The following ANXA9 variants were observed in gnomAD, a reference collection of about 807,000 sequenced individuals.
ANXA9 encodes the protein annexin 31.
A neutral mutation model predicts 51.8 loss-of-function variants in ANXA9; 47 were observed. The ratio of observed to expected loss-of-function variants is 0.91; its 90% CI spans 0.72 to 1.16. ANXA9 has a LOEUF of 1.16. Among genes scored for constraint, ANXA9 ranks in the 50% most tolerant of loss-of-function variants. The probability of loss-of-function intolerance (pLI) is 0.00; values close to 1 mark genes in which losing one functional copy is unlikely to be tolerated. For synonymous variants in ANXA9, 154 were observed against 168.7 expected (o/e 0.91, Z 0.68); for missense variants, 361 against 424.7 (o/e 0.85, Z 1.32).
rs745346533 is a variant in ANXA9 at position 150,984,613 on chromosome 1, A to G, written c.409A>G (p.Ile137Val). The change falls in exon 7 of 14, where the codon ATT (isoleucine) becomes GTT (valine). Residue 137 changes from isoleucine (I) to valine (V), a missense_variant. Coordinates refer to ENST00000368947, the MANE Select transcript of ANXA9 (RefSeq NM_003568.3). ...KASDSAVDVA[I>V]EILATRTPPQ... is the part of the protein sequence containing the mutation. ...CTCAGATTCTGCTGTGGACGTGGCC[A>G]TTGAAATTCTTGCCACTCGAACCCC... 3.9e-5 allele frequency: 63 copies of G among 1,613,976 alleles called. No homozygotes were observed. The highest frequency in any genetic ancestry group is 5.2e-5 in the Non-Finnish European group (61 of 1,180,008).
rs372364985 is a variant in ANXA9 at position 150,986,332 on chromosome 1, C to G, written c.473-4C>G. 1.2e-6 allele frequency: 2 copies of G among 1,613,932 alleles called. No individual in the cohort carries two copies. Among genetic ancestry groups the G allele is most frequent in the East Asian group, 2.2e-5 (1 of 44,890 alleles). On this transcript the variant is annotated splice_region_variant and splice_polypyrimidine_tract_variant and intron_variant, in intron 7 of 13. Coordinates refer to ENST00000368947, the MANE Select transcript of ANXA9 (RefSeq NM_003568.3). The stretch of plus-strand genomic sequence containing the variant: ...GATTCAGAGAGCTCCTCACCCCACC[C>G]CAGATTTCCAGGTGGAGGCTGTGGA...
Position 150,983,410 on chromosome 1 carries a change from C to A in ANXA9, c.148C>A (p.Leu50Ile). The A allele has an allele frequency of 5.0e-6, 8 of 1,613,086 alleles. No homozygotes were observed. Among genetic ancestry groups the A allele is most frequent in the Non-Finnish European group, 5.9e-6 (7 of 1,179,566 alleles). Residue 50 changes from leucine to isoleucine, a missense_variant, in exon 4 of 14, where the codon CTA becomes ATA. Physicochemically the swap from Leu to Ile is conservative, Grantham distance 5. Transcript: ENST00000368947. ...NFSVDKDAQR[L>I]LRAITGQGVD... ...CAGCGTGGACAAGGATGCGCAGAGG[C>A]TACTGAGGGCCATTACTGGCCAAGG...
chr1:150,980,769 C>T (rs951011927), upstream of ANXA9, among the ~76,000 whole-genome samples: 4 of 151,686 alleles, frequency 2.6e-5, no homozygotes, highest in African/African-American at 7.3e-5. Context: ...TTAGTAGAGA[C>T]GGGGTTTCAC....
At chr1:150,978,756 G>A (rs1468467061), upstream of ANXA9, among the ~76,000 whole-genome samples, 2 of 151,962 alleles carry the variant, frequency 1.3e-5, no homozygotes, top group Non-Finnish European at 2.9e-5. Flanking sequence ...ACAAGGTCAG[G>A]AGTTCAAGAC....
chr1:150,993,532 A>T (rs960020532), intron 12 of ANXA9, among the ~76,000 whole-genome samples: 3 of 150,318 alleles, frequency 2.0e-5, no homozygotes, highest in African/African-American at 7.4e-5. Context: ...CTGGTCTCGA[A>T]CTCCTGACCA....
At chr1:150,986,858 C>T (rs1671573115) in intron 9 of ANXA9, among the ~76,000 whole-genome samples, 197 bp downstream of exon 9, 1 of 152,102 alleles carries the variant, frequency 6.6e-6, no homozygotes, top group African/African-American at 2.4e-5. Flanking sequence ...ACTCATCTAG[C>T]CTCTGACTCC....
chr1:150,983,539 G>T, intron 4 of ANXA9, 105 bp downstream of exon 4: 1 of 1,140,786 alleles, frequency 8.8e-7, no homozygotes, highest in Non-Finnish European at 1.3e-6. Context: ...AATGTTTGTG[G>T]AATGCCTTCA....
At chr1:150,992,953 A>T (rs1221630221) in intron 12 of ANXA9, among the ~76,000 whole-genome samples, 3 of 152,242 alleles carry the variant, frequency 2.0e-5, no homozygotes, top group Non-Finnish European at 4.4e-5. Flanking sequence ...AATGATGCAT[A>T]AAAGTTAAAA....
In ANXA9 at chr1:150,986,039, C is replaced by T. The variant is rs139046123; in HGVS notation, c.473-297C>T. ...GTCCTAACCATCTTGTGTTATAATACGGGTTTCCCTAGCTCTTCTTCACTG... is the reference window on the plus strand; with the variant it reads ...GTCCTAACCATCTTGTGTTATAATATGGGTTTCCCTAGCTCTTCTTCACTG... On this transcript the variant is annotated intron_variant, in intron 7 of 13. Coordinates refer to ENST00000368947, the MANE Select transcript of ANXA9 (RefSeq NM_003568.3). Among the ~76,000 whole-genome samples, 37 of 152,194 alleles carry T rather than the reference C, an allele frequency of 2.4e-4. No individual in the cohort carries two copies. The East Asian group carries it at 6.0e-3, about 25-fold the overall frequency.
At position 150,984,000 on chromosome 1, in the gene ANXA9, C is replaced by T. The variant is rs763589794; in HGVS notation, c.198C>T (p.Asp66=). 44 of 1,612,684 alleles carry T rather than the reference C, an allele frequency of 2.7e-5. 1 individual carries two copies. Among genetic ancestry groups the T allele is most frequent in the South Asian group, 2.6e-4 (24 of 90,886 alleles). Residue 66 remains aspartate (D), a synonymous_variant, in exon 5 of 14, where the codon GAC becomes GAT. Transcript: ENST00000368947. ...GCGTGGACCGCAGTGCCATTGTGGA[C>T]GTGCTGACCAACCGGAGCAGAGAGC... ...GQGVDRSAIV[D]VLTNRSREQR...
intron 7 of ANXA9, 77 bp downstream of exon 7, chr1:150,984,753 A>G (rs1369369241): frequency 3.1e-6 from 4 of 1,283,636 alleles, no homozygotes; most frequent in African/African-American, 3.0e-5. Flanking sequence ...TGTACTCCCC[A>G]TAGGTGAGCT....
chr1:150,983,234 G>T, intron 3 of ANXA9, 54 bp downstream of exon 3: 1 of 1,603,720 alleles, frequency 6.2e-7, no homozygotes, highest in Non-Finnish European at 8.5e-7. Flanking sequence ...CTCGGGCTGT[G>T]AGAGGATGGG....
chr1:150,992,369 G>A (rs1387987266), intron 12 of ANXA9, among the ~76,000 whole-genome samples: 3 of 152,074 alleles, frequency 2.0e-5, no homozygotes, highest in African/African-American at 7.2e-5. Flanking sequence ...GACCAACATG[G>A]TGAAACCCCG....
chr1:150,987,133 T>C (rs1671579573), intron 9 of ANXA9, among the ~76,000 whole-genome samples: 1 of 152,034 alleles, frequency 6.6e-6, no homozygotes, highest in Admixed American at 6.6e-5. Context: ...TTTGGGAGGC[T>C]GAAACAAGAG....
At chr1:150,991,033 C>T (rs1325068450) in intron 12 of ANXA9, among the ~76,000 whole-genome samples, 1 of 151,008 alleles carries the variant, frequency 6.6e-6, no homozygotes, top group Non-Finnish European at 1.5e-5. Flanking sequence ...GTCCCAGCTA[C>T]GCTGGAGGCT....
At chr1:150,977,842 A>G (rs587607705), upstream of ANXA9, among the ~76,000 whole-genome samples, 1 of 152,346 alleles carries the variant, frequency 6.6e-6, no homozygotes, top group South Asian at 2.1e-4. Context: ...ATTTGCAGAA[A>G]AGCAATGTAG....
At chr1:150,987,494 G>A (rs1046397682) in intron 9 of ANXA9, among the ~76,000 whole-genome samples, 3 of 151,970 alleles carry the variant, frequency 2.0e-5, no homozygotes, top group Non-Finnish European at 4.4e-5. Flanking sequence ...TTGGGAGGCC[G>A]AGACAGGTGG....
At chr1:150,992,913 A>G (rs1671740233) in intron 12 of ANXA9, among the ~76,000 whole-genome samples, 1 of 152,228 alleles carries the variant, frequency 6.6e-6, no homozygotes, top group Non-Finnish European at 1.5e-5. Context: ...ACTGGGGAGC[A>G]ATTGGCAATC....
intron 7 of ANXA9, among the ~76,000 whole-genome samples, chr1:150,984,959 C>A (rs1455575831): frequency 5.3e-5 from 8 of 151,836 alleles, no homozygotes; most frequent in Admixed American, 5.2e-4. Context: ...CCCAGGAGTT[C>A]AAGACCAGTC....
Sources: gnomAD v4.1 joint callset for allele counts (sites outside exome capture counted in the v4.1 genomes callset) on GRCh38, gnomAD v4.1.1 for gene constraint, MANE v1.5 for transcripts, NCBI Gene and HGNC (gene_info 2026-07-23, HGNC 2026-07-21) for gene names.